LPIN1: variants seen among roughly 807,000 people sequenced by gnomAD.
LPIN1 encodes lipin 1, also known as phosphatidate phosphatase LPIN1.
Under a neutral mutation model 107.5 loss-of-function variants are expected in LPIN1, and 71 were observed. That is an observed-to-expected ratio of 0.66 (90% CI 0.55 to 0.80). The LOEUF is 0.80. LPIN1 is among the 30% of genes least tolerant of loss of function. LPIN1 has a pLI of 0.00. For missense variants in LPIN1, 1,043 were observed against 1,160.6 expected (o/e 0.90, Z 1.47); for synonymous variants, 445 against 452.6 (o/e 0.98, Z 0.21).
intron 1 of LPIN1, among the ~76,000 whole-genome samples, chr2:11,689,769 G>C (rs928105979): frequency 1.3e-5 from 2 of 152,080 alleles, no homozygotes; most frequent in Non-Finnish European, 2.9e-5. Context: ...GCTGAGTGTT[G>C]TGGCGGGTGC....
chr2:11,748,672 C>T (rs1476790832), intron 1 of LPIN1, among the ~76,000 whole-genome samples: 1 of 152,192 alleles, frequency 6.6e-6, no homozygotes, highest in Non-Finnish European at 1.5e-5. Context: ...CACCCCCTCC[C>T]CCTGCCTGCC....
At chr2:11,764,097 T>TACACACAC (rs375995068) in intron 1 of LPIN1, 2 of 122,278 alleles carry the variant, frequency 1.6e-5, no homozygotes, top group African/African-American at 6.7e-5. Context: ...TATATATATA[T>TACACACAC]ATATATACAC....
At chr2:11,701,268 C>A (rs940801322) in intron 1 of LPIN1, among the ~76,000 whole-genome samples, 1 of 152,184 alleles carries the variant, frequency 6.6e-6, no homozygotes, top group African/African-American at 2.4e-5. Flanking sequence ...ATTACAGATA[C>A]TAGTTTCTGC....
At position 11,788,297 on chromosome 2, in the gene LPIN1, C is replaced by T. The variant is rs17603350; in HGVS notation, c.1644-90C>T. 0.029 allele frequency: 29,284 copies of T among 992,702 alleles called. 580 individuals are homozygous for T. The highest frequency in any genetic ancestry group is 0.039 in the Non-Finnish European group (24,182 of 619,142). The allele number at this position is 992,702 out of a possible 1,614,324, so 61.5% of individuals were successfully genotyped here. A position where few individuals can be genotyped will look rare whatever the true frequency, so the allele number is the denominator to read the frequency against. On this transcript the variant is annotated intron_variant, in intron 11 of 20. Coordinates refer to ENST00000674199, the MANE Select transcript of LPIN1 (RefSeq NM_001349206.2). ...CTCTTTAAGGGCCTCGCTGGAGTCC[C>T]GAGCTTTCCTTGACTACTTTATATG...
upstream of LPIN1, chr2:11,745,406 C>A (rs1572522904): frequency 6.6e-6 from 1 of 152,130 alleles, no homozygotes; most frequent in African/African-American, 2.4e-5. Flanking sequence ...CATATAATTC[C>A]CAGGTTTAAA....
At chr2:11,699,879 G>A (rs759673656) in intron 1 of LPIN1, among the ~76,000 whole-genome samples, 4 of 152,080 alleles carry the variant, frequency 2.6e-5, no homozygotes, top group East Asian at 3.9e-4. Flanking sequence ...CTGGACAAAC[G>A]GTAAGCTGTG....
chr2:11,699,922 A>T (rs1210152644), intron 1 of LPIN1, among the ~76,000 whole-genome samples: 1 of 151,850 alleles, frequency 6.6e-6, no homozygotes, highest in Non-Finnish European at 1.5e-5. Context: ...CCTTTCTGAA[A>T]CTCAGTTTCT....
intron 14 of LPIN1, among the ~76,000 whole-genome samples, chr2:11,798,978 C>T (rs777895436): frequency 1.3e-4 from 20 of 152,170 alleles, no homozygotes; most frequent in Non-Finnish European, 2.5e-4. Context: ...ATGACATGAG[C>T]CCTTTTGTTT....
intron 1 of LPIN1, among the ~76,000 whole-genome samples, chr2:11,709,600 C>T (rs1046744601): frequency 6.6e-6 from 1 of 152,210 alleles, no homozygotes; most frequent in African/African-American, 2.4e-5. Context: ...GCCATTGTTT[C>T]TTCAGTAATG....
intron 14 of LPIN1, among the ~76,000 whole-genome samples, chr2:11,800,650 G>A (rs377537999): frequency 2.0e-5 from 3 of 152,226 alleles, no homozygotes; most frequent in East Asian, 3.9e-4. Context: ...ACACTTATGG[G>A]GTCAGAAAGC....
chr2:11,754,698 T>C (rs1000541640), intron 1 of LPIN1, among the ~76,000 whole-genome samples: 7 of 152,160 alleles, frequency 4.6e-5, no homozygotes, highest in Non-Finnish European at 1.0e-4. Context: ...AAACTAGTCG[T>C]TGTGTTGACC....
chr2:11,681,252 C>T (rs1170073685), intron 1 of LPIN1, among the ~76,000 whole-genome samples: 1 of 152,304 alleles, frequency 6.6e-6, no homozygotes, highest in East Asian at 1.9e-4. Context: ...CCCACCTCTC[C>T]GCCTGATATG....
chr2:11,680,170 C>T (rs2148497808), intron 1 of LPIN1, among the ~76,000 whole-genome samples: 1 of 152,256 alleles, frequency 6.6e-6, no homozygotes, highest in South Asian at 2.1e-4. Context: ...CTGTGACTGC[C>T]CTGGCCAGAA....
intron 1 of LPIN1, among the ~76,000 whole-genome samples, chr2:11,689,052 A>G (rs533925831): frequency 1.4e-4 from 21 of 152,358 alleles, no homozygotes; most frequent in African/African-American, 5.1e-4. Flanking sequence ...TTTTGCAAAC[A>G]CGACTTATTC....
rs1297101591 is a variant in LPIN1 at position 11,795,417 on chromosome 2, C to T, written c.1816C>T (p.Pro606Ser). 1 of 1,613,808 alleles carries T rather than the reference C, an allele frequency of 6.2e-7. No individual in the cohort carries two copies. The highest frequency in any genetic ancestry group is 8.5e-7 in the Non-Finnish European group (1 of 1,179,824). Residue 606 changes from proline (P) to serine (S), a missense_variant, in exon 14 of 21, where the codon CCA becomes TCA. Coordinates refer to ENST00000674199, the MANE Select transcript of LPIN1 (RefSeq NM_001349206.2). ...RNTTIKEESKPEQCLAGKAHS... is the reference protein window; with the variant it reads ...RNTTIKEESKSEQCLAGKAHS... ...TTTTCTTCTTTTCTAGGAAAGTAAG[C>T]CAGAGCAGTGCTTGGCTGGCAAGGC...
At chr2:11,763,614 G>A (rs975493799) in intron 1 of LPIN1, among the ~76,000 whole-genome samples, 1 of 151,842 alleles carries the variant, frequency 6.6e-6, no homozygotes, top group Admixed American at 6.6e-5. Flanking sequence ...ACATTGTTAC[G>A]GTGATGCTTT....
intron 1 of LPIN1, among the ~76,000 whole-genome samples, chr2:11,752,600 T>G (rs932244453): frequency 1.6e-4 from 24 of 149,720 alleles, no homozygotes; most frequent in Non-Finnish European, 3.2e-4. Context: ...CCCGGCTAAT[T>G]TTTTGTATTT....
rs1042925022 is a variant in LPIN1 at position 11,746,666 on chromosome 2, C to G, written c.-15C>G. 2.0e-6 allele frequency: 2 copies of G among 985,004 alleles called. No individual in the cohort carries two copies. The highest frequency in any genetic ancestry group is 4.7e-5 in the South Asian group (1 of 21,288). The allele number at this position is 985,004 out of a possible 1,614,324, so 61.0% of individuals were successfully genotyped here. ...ATACAAAGGCGGCCACGCGCGGCGC[C>G]GCTCGGTGAGTAGCCGCCGCCTCCA... On this transcript the variant is annotated 5_prime_UTR_variant, in exon 1 of 21. Coordinates refer to ENST00000674199, the MANE Select transcript of LPIN1 (RefSeq NM_001349206.2).
chr2:11,693,318 G>A (rs1177223255), intron 1 of LPIN1, among the ~76,000 whole-genome samples: 1 of 151,592 alleles, frequency 6.6e-6, no homozygotes, highest in Non-Finnish European at 1.5e-5. Flanking sequence ...AGCCAGGCTT[G>A]GGAAACACTG....
Sources: allele counts gnomAD v4.1 joint callset (sites outside exome capture counted in the v4.1 genomes callset), GRCh38; gene constraint gnomAD v4.1.1; transcripts MANE v1.5; gene names NCBI Gene and HGNC (gene_info 2026-07-23, HGNC 2026-07-21).